LRFN5: variants seen among roughly 807,000 people sequenced by gnomAD.
LRFN5 encodes the protein leucine-rich repeat and fibronectin type-III domain-containing protein 5.
In LRFN5, 24 loss-of-function variants were observed where a neutral mutation model predicts 45.6. That is an observed-to-expected ratio of 0.53 (90% confidence interval 0.38 to 0.74). The LOEUF (loss-of-function observed/expected upper bound fraction) is 0.74. LRFN5 is among the 30% of genes least tolerant of loss of function. LRFN5 has a pLI of 0.00. For missense variants in LRFN5, 776 were observed against 861.5 expected, an observed-to-expected ratio of 0.90 and a Z score of 1.24; for synonymous variants, 340 against 313.8, an observed-to-expected ratio of 1.08 and a Z score of -0.88.
At chr14:41,889,597 C>G (rs552629920) in intron 3 of LRFN5, among the ~76,000 whole-genome samples, 1 of 152,112 alleles carries the variant, frequency 6.6e-6, no homozygotes, top group Non-Finnish European at 1.5e-5. Context: ...ATTCCAGGAT[C>G]TTAATCCTGC....
At chr14:41,699,179 A>G (rs1427412094) in intron 1 of LRFN5, among the ~76,000 whole-genome samples, 1 of 152,072 alleles carries the variant, frequency 6.6e-6, no homozygotes, top group Non-Finnish European at 1.5e-5. Flanking sequence ...GGAGATTTTT[A>G]TTAAAATGAA....
At chr14:41,627,491 A>G (rs1261287193) in intron 1 of LRFN5, among the ~76,000 whole-genome samples, 2 of 152,032 alleles carry the variant, frequency 1.3e-5, no homozygotes, top group African/African-American at 4.8e-5. Flanking sequence ...AAGTGGTTTG[A>G]TTTTGCCAGA....
At chr14:41,622,947 CA>C (rs1488285575) in intron 1 of LRFN5, among the ~76,000 whole-genome samples, 4 of 152,028 alleles carry the variant, frequency 2.6e-5, no homozygotes. Context: ...TTATATGAGA[CA>C]AAAACGAACT....
chr14:41,672,633 C>T (rs947590124), intron 1 of LRFN5, among the ~76,000 whole-genome samples: 2 of 152,108 alleles, frequency 1.3e-5, no homozygotes, highest in African/African-American at 2.4e-5. Context: ...AAAGTTATAA[C>T]CTTTAATCTT....
rs544634442 is a variant in LRFN5 at position 41,704,709 on chromosome 14, C to T, written c.-196-62145C>T. On this transcript the variant is annotated intron_variant, in intron 1 of 5. Coordinates refer to ENST00000298119, the MANE Select transcript of LRFN5 (RefSeq NM_152447.5). ...TATTGTACTAGTTGCAGAGGTGTTT[C>T]TTAGCTTTGTGTTTTTTTGAAAGTG... Among the ~76,000 whole-genome samples, 3 of 151,944 alleles carry T rather than the reference C, an allele frequency of 2.0e-5. No homozygotes were observed. The South Asian group carries it at 6.2e-4, about 32-fold the overall frequency.
At chr14:41,615,424 C>G (rs2138545887) in intron 1 of LRFN5, among the ~76,000 whole-genome samples, 1 of 152,216 alleles carries the variant, frequency 6.6e-6, no homozygotes. Flanking sequence ...GTGCTTATGA[C>G]TAAACATATC....
chr14:41,815,372 A>G (rs547700825), intron 2 of LRFN5, among the ~76,000 whole-genome samples: 37 of 151,970 alleles, frequency 2.4e-4, no homozygotes, highest in Middle Eastern at 3.4e-3. Flanking sequence ...CTTTCTTTGG[A>G]TTAGTACTAA....
chr14:41,699,241 A>G (rs1882739996), intron 1 of LRFN5, among the ~76,000 whole-genome samples: 1 of 152,086 alleles, frequency 6.6e-6, no homozygotes, highest in African/African-American at 2.4e-5. Context: ...TGCTATTTAA[A>G]TAAGGTTCTA....
intron 2 of LRFN5, among the ~76,000 whole-genome samples, chr14:41,849,381 T>C (rs1368911356): frequency 6.6e-6 from 1 of 151,944 alleles, no homozygotes; most frequent in Non-Finnish European, 1.5e-5. Context: ...AGTTTTGACT[T>C]TCTTGTTTAA....
chr14:41,803,765 G>A (rs1440413673), intron 2 of LRFN5, among the ~76,000 whole-genome samples: 1 of 152,148 alleles, frequency 6.6e-6, no homozygotes, highest in Non-Finnish European at 1.5e-5. Flanking sequence ...CTTCTTGCCT[G>A]TTGCCCAGAT....
chr14:41,831,057 A>C (rs1023523320), intron 2 of LRFN5, among the ~76,000 whole-genome samples: 1 of 152,192 alleles, frequency 6.6e-6, no homozygotes, highest in Non-Finnish European at 1.5e-5. Context: ...GTCACTCTTA[A>C]AAACTCAGTA....
chr14:41,848,703 G>A (rs1227803843), intron 2 of LRFN5, among the ~76,000 whole-genome samples: 3 of 151,996 alleles, frequency 2.0e-5, no homozygotes, highest in African/African-American at 7.2e-5. Context: ...GGCTGTAAGT[G>A]AGCATTTCAT....
At chr14:41,731,118 AGT>A (rs1413458475) in intron 1 of LRFN5, among the ~76,000 whole-genome samples, 2 of 152,138 alleles carry the variant, frequency 1.3e-5, no homozygotes, top group African/African-American at 4.8e-5. Flanking sequence ...ACAATAAAAA[AGT>A]GTGAGATAAT....
At chr14:41,873,419 CAGAGAGAGAG>C (rs10558865) in intron 2 of LRFN5, among the ~76,000 whole-genome samples, 13 of 146,604 alleles carry the variant, frequency 8.9e-5, no homozygotes, top group Admixed American at 1.4e-4. Context: ...GAGAGAGAGA[CAGAGAGAGAG>C]AGAGAGAGAG....
At chr14:41,745,188 C>T (rs546821712) in intron 1 of LRFN5, among the ~76,000 whole-genome samples, 7 of 151,972 alleles carry the variant, frequency 4.6e-5, no homozygotes, top group African/African-American at 1.7e-4. Context: ...ACTCTGGTGA[C>T]AATGGCAGAA....
chr14:41,861,830 G>T (rs562501168), intron 2 of LRFN5, among the ~76,000 whole-genome samples: 1 of 152,246 alleles, frequency 6.6e-6, no homozygotes, highest in Non-Finnish European at 1.5e-5. Flanking sequence ...TCAAGAAAAA[G>T]ACTATTGCCA....
chr14:41,696,995 T>C (rs1441347780), intron 1 of LRFN5, among the ~76,000 whole-genome samples: 1 of 152,032 alleles, frequency 6.6e-6, no homozygotes, highest in African/African-American at 2.4e-5. Flanking sequence ...ATTAATACTG[T>C]GTACACAGTT....
At chr14:41,663,187 G>T (rs572319725) in intron 1 of LRFN5, among the ~76,000 whole-genome samples, 1 of 152,084 alleles carries the variant, frequency 6.6e-6, no homozygotes, top group Admixed American at 6.6e-5. Context: ...GCCAAGGGGC[G>T]TAGCCAAACC....
intron 1 of LRFN5, among the ~76,000 whole-genome samples, chr14:41,669,034 G>A (rs1327616526): frequency 1.3e-5 from 2 of 152,144 alleles, no homozygotes; most frequent in African/African-American, 2.4e-5. Context: ...TGGCAGCTAT[G>A]TAATAGAAAT....
Sources: gnomAD v4.1 joint callset for allele counts (sites outside exome capture counted in the v4.1 genomes callset) on GRCh38, gnomAD v4.1.1 for gene constraint, MANE v1.5 for transcripts, NCBI Gene and HGNC (gene_info 2026-07-23, HGNC 2026-07-21) for gene names.